INPP4A: variants seen among roughly 807,000 people sequenced by gnomAD.
The protein encoded by INPP4A is inositol polyphosphate-4-phosphatase type I A, also known as inositol polyphosphate-4-phosphatase, type I, 107kD.
Under a neutral mutation model 119.8 loss-of-function variants are expected in INPP4A, and 33 were observed. The ratio of observed to expected loss-of-function variants is 0.28; its 90% CI spans 0.21 to 0.37. INPP4A has a LOEUF of 0.37. INPP4A is among the 10% of genes least tolerant of loss of function. The pLI is 1.00. For synonymous variants in INPP4A, 496 were observed against 500.7 expected (o/e 0.99, Z 0.12); for missense variants, 956 against 1,289.9 (o/e 0.74, Z 3.97).
intron 1 of INPP4A, among the ~76,000 whole-genome samples, chr2:98,496,235 G>A (rs995860315): frequency 6.6e-6 from 1 of 152,150 alleles, no homozygotes; most frequent in Admixed American, 6.5e-5. Context: ...CAAGAGGAGG[G>A]GTCCAGTTCA....
intron 24 of INPP4A, among the ~76,000 whole-genome samples, chr2:98,585,592 G>A (rs921331061): frequency 8.5e-5 from 13 of 152,328 alleles, no homozygotes; most frequent in Non-Finnish European, 1.6e-4. Flanking sequence ...CGCCACCTCT[G>A]CATGCCTCGC....
At position 98,520,145 on chromosome 2, in the gene INPP4A, T is replaced by C. The variant is rs1686903546; in HGVS notation, c.97T>C (p.Ser33Pro). 2 of 1,557,394 alleles carry C rather than the reference T, an allele frequency of 1.3e-6. No individual in the cohort carries two copies. Among genetic ancestry groups the C allele is most frequent in the Non-Finnish European group, 1.7e-6 (2 of 1,149,922 alleles). ...CGTGGCGGCCGACATGCTGGGCCTCTCTCTGGCAGGTGAGCCTCACAGGGC... is the reference window on the plus strand; with the variant it reads ...CGTGGCGGCCGACATGCTGGGCCTCCCTCTGGCAGGTGAGCCTCACAGGGC... Reference protein sequence around the residue: ...IDVAADMLGLSLAGNIQDPDE... With the variant: ...IDVAADMLGLPLAGNIQDPDE... Residue 33 changes from serine to proline, a missense_variant, in exon 3 of 25, where the codon TCT becomes CCT. Physicochemically the swap from Ser to Pro is moderately conservative, Grantham distance 74 (BLOSUM62 -1). This residue lies in a region of INPP4A where 652 missense variants were observed against 797.9 expected (regional missense o/e 0.82). Coordinates refer to ENST00000409851, the MANE Select transcript of INPP4A (RefSeq NM_001134225.2).
At chr2:98,471,755 G>A (rs573714169) in intron 1 of INPP4A, among the ~76,000 whole-genome samples, 1 of 152,174 alleles carries the variant, frequency 6.6e-6, no homozygotes, top group Non-Finnish European at 1.5e-5. Flanking sequence ...GTTTGCCGCA[G>A]CCCCCTAGCC....
chr2:98,489,954 T>G (rs1386593866), intron 1 of INPP4A, among the ~76,000 whole-genome samples: 1 of 146,586 alleles, frequency 6.8e-6, no homozygotes, highest in Non-Finnish European at 1.5e-5. Flanking sequence ...TCCAAGTGCT[T>G]GTGGAGTGAG....
intron 24 of INPP4A, among the ~76,000 whole-genome samples, chr2:98,581,071 C>T (rs938383498): frequency 2.6e-5 from 4 of 152,152 alleles, no homozygotes; most frequent in Non-Finnish European, 5.9e-5. Context: ...TTTTTGTTTG[C>T]GTGGTTGATC....
chr2:98,547,426 C>T (rs1316601131), intron 13 of INPP4A, among the ~76,000 whole-genome samples: 1 of 152,188 alleles, frequency 6.6e-6, no homozygotes, highest in Non-Finnish European at 1.5e-5. Flanking sequence ...GGCATCCACC[C>T]AGCCCCCAGG....
intron 1 of INPP4A, among the ~76,000 whole-genome samples, chr2:98,465,903 C>G (rs1181058326): frequency 6.6e-6 from 1 of 152,278 alleles, no homozygotes; most frequent in East Asian, 1.9e-4. Context: ...GCGCCCTCCC[C>G]CTTCCTCTCT....
At position 98,577,087 on chromosome 2, in the gene INPP4A, A is replaced by G. The variant is rs750367172; in HGVS notation, c.2730A>G (p.Gln910=). Residue 910 remains glutamine (Q), a synonymous_variant, in exon 24 of 25, where the codon CAA becomes CAG. Coordinates refer to ENST00000409851, the MANE Select transcript of INPP4A (RefSeq NM_001134225.2). The part of the protein sequence containing the change: ...SVTLEQCLIL[Q]HEHGMAPQVF... ...CACTGGAGCAGTGCCTGATCCTGCAACACGAGCATGGCATGGCCCCGCAGG... is the reference window on the plus strand; with the variant it reads ...CACTGGAGCAGTGCCTGATCCTGCAGCACGAGCATGGCATGGCCCCGCAGG... 1.2e-5 allele frequency: 19 copies of G among 1,613,794 alleles called. No individual in the cohort carries two copies. The highest frequency in any genetic ancestry group is 1.6e-4 in the Middle Eastern group (1 of 6,080).
intron 3 of INPP4A, 60 bp downstream of exon 3, chr2:98,520,214 C>T (rs1365400066): frequency 7.8e-7 from 1 of 1,278,926 alleles, no homozygotes; most frequent in East Asian, 2.5e-5. Flanking sequence ...CTGGGCTCCA[C>T]ACTGCAGCAG....
rs756308183 is a variant in INPP4A, at chr2:98,583,102, T to G, written c.2787-4374T>G. Among the ~76,000 whole-genome samples, 6 of 152,222 alleles carry G rather than the reference T, an allele frequency of 3.9e-5. No individual in the cohort carries two copies. The South Asian group carries it at 6.2e-4, about 16-fold the overall frequency. ...ACACAGAAAGATCACCTACTGCATG[T>G]GACTTTAGATTTACTCTTCACTATG... On this transcript the variant is annotated intron_variant, in intron 24 of 24. Coordinates refer to ENST00000409851, the MANE Select transcript of INPP4A (RefSeq NM_001134225.2).
At chr2:98,457,719 T>C (rs1285760180) in intron 1 of INPP4A, among the ~76,000 whole-genome samples, 3 of 152,252 alleles carry the variant, frequency 2.0e-5, no homozygotes, top group Admixed American at 6.5e-5. Context: ...TTGAGCTTGC[T>C]ACTTAGGCAG....
Position 98,461,639 on chromosome 2 carries a change from T to C in INPP4A, c.-166+16554T>C, listed in dbSNP as rs1697169343. On this transcript the variant is annotated intron_variant, in intron 1 of 24. Transcript: ENST00000409851. Reference sequence around the variant, plus strand: ...TCCTACCCTATCCTCTAGCCATCCATGTCCCCTCCCTTAAGACACCAATGC... The same window carrying C: ...TCCTACCCTATCCTCTAGCCATCCACGTCCCCTCCCTTAAGACACCAATGC... Among the ~76,000 whole-genome samples, 3 of 152,262 alleles carry C rather than the reference T, an allele frequency of 2.0e-5. No individual in the cohort carries two copies. In the South Asian group the frequency reaches 6.2e-4, roughly 32 times the overall value.
rs1250778148 is a variant in INPP4A at position 98,554,974 on chromosome 2, C to T, written c.1566+485C>T. Among the ~76,000 whole-genome samples, 1 of 152,198 alleles carries T rather than the reference C, an allele frequency of 6.6e-6. No individual in the cohort carries two copies. The highest frequency in any genetic ancestry group is 2.4e-5 in the African/African-American group (1 of 41,428). ...TTCCTCAGAGAATTGGCCCTGGGAG[C>T]AGGATCTGTGTTTCTTGAGGGAGTG... On this transcript the variant is annotated intron_variant, in intron 15 of 24. Coordinates refer to ENST00000409851, the MANE Select transcript of INPP4A (RefSeq NM_001134225.2). The surrounding 1 kb of genome is among the most constrained non-coding windows in gnomAD (Gnocchi z 4.7).
rs1350263790 is a variant in INPP4A at position 98,570,757 on chromosome 2, G to T, written c.2519-2058G>T. 3.9e-5 allele frequency among the ~76,000 whole-genome samples: 6 copies of T among 152,138 alleles called. No homozygotes were observed. Among genetic ancestry groups the T allele is most frequent in the Non-Finnish European group, 7.4e-5 (5 of 68,022 alleles). On this transcript the variant is annotated intron_variant, in intron 22 of 24. Transcript: ENST00000409851. This position sits in a 1 kb window ranked among gnomAD's most constrained non-coding sequence, Gnocchi z 4.3. ...GGAAGGAGGGAGGAGAGAAGGTAGG[G>T]ACATGAATGGAGGAAATATGCTCAG...
rs1308269773 is a variant in INPP4A at position 98,594,377 on chromosome 2, A to G, written c.*6769A>G. The G allele has an allele frequency of 1.3e-5, 2 of 152,220 alleles. No individual in the cohort carries two copies. Among genetic ancestry groups the G allele is most frequent in the Admixed American group, 6.5e-5 (1 of 15,286 alleles). The allele number at this position is 152,220 out of a possible 1,614,324, so 9.4% of individuals were successfully genotyped here. A position where few individuals can be genotyped will look rare whatever the true frequency, so the allele number is the denominator to read the frequency against. ...TACTGGTTGTTTAACAGTAAAAATT[A>G]AATGTTTAAAACCCACCATTACTGA... On this transcript the variant is annotated 3_prime_UTR_variant, in exon 25 of 25. Transcript: ENST00000409851.
chr2:98,505,844 C>T (rs1051957802), intron 1 of INPP4A, among the ~76,000 whole-genome samples: 1 of 152,264 alleles, frequency 6.6e-6, no homozygotes. Flanking sequence ...ACAGAATATT[C>T]TTGCTTTTTC....
At position 98,589,859 on chromosome 2, in the gene INPP4A, C is replaced by G. The variant is rs1700273767; in HGVS notation, c.*2251C>G. On this transcript the variant is annotated 3_prime_UTR_variant, in exon 25 of 25. Coordinates refer to ENST00000409851, the MANE Select transcript of INPP4A (RefSeq NM_001134225.2). ...CTCCCCATTTAAAAAGAAAAGAGAT[C>G]TATGGAAAACTGGGAATGTAATGTG... is the stretch of plus-strand genomic sequence containing the variant. 1.0e-5 allele frequency: 2 copies of G among 193,756 alleles called. No homozygotes were observed. The highest frequency in any genetic ancestry group is 2.2e-5 in the Non-Finnish European group (2 of 92,900). The allele number at this position is 193,756 out of a possible 1,614,324, so 12.0% of individuals were successfully genotyped here.
chr2:98,572,842 G>T lies in INPP4A; in HGVS notation c.2546G>T (p.Cys849Phe). ...CTGCCTCGGTCTCGCAGTCAGACGT[G>T]CCTGCCAGAGCTGCTGCGGTTTCTG... The part of the protein sequence containing the change: ...DCLPRSRSQT[C>F]LPELLRFLGQ... Residue 849 changes from cysteine to phenylalanine, a missense_variant, in exon 23 of 25, where the codon TGC becomes TTC. By Grantham distance (205) the Cys-to-Phe change is radical (BLOSUM62 -2). Around this residue, in one of 2 missense-constraint regions of INPP4A, gnomAD observed 304 missense variants for 492.1 expected, o/e 0.62. Coordinates refer to ENST00000409851, the MANE Select transcript of INPP4A (RefSeq NM_001134225.2). 6.4e-7 allele frequency: 1 copy of T among 1,569,568 alleles called. No homozygotes were observed. The highest frequency in any genetic ancestry group is 8.6e-7 in the Non-Finnish European group (1 of 1,157,638).
At chr2:98,511,919 C>T (rs948426883) in intron 1 of INPP4A, among the ~76,000 whole-genome samples, 32 of 152,138 alleles carry the variant, frequency 2.1e-4, no homozygotes, top group Admixed American at 1.3e-3. Flanking sequence ...TAAACTGTAG[C>T]GCAAGCAAAG....
Sources: allele counts gnomAD v4.1 joint callset (sites outside exome capture counted in the v4.1 genomes callset), GRCh38; gene constraint gnomAD v4.1.1; regional missense constraint gnomAD v4.1.1; non-coding constraint Gnocchi (gnomAD v3.1); transcripts MANE v1.5; gene names NCBI Gene and HGNC (gene_info 2026-07-23, HGNC 2026-07-21).